Variants in TSHZ2 observed in about 807,000 individuals in gnomAD.
TSHZ2 encodes the protein teashirt homolog 2.
In TSHZ2, 21 loss-of-function variants were observed where a neutral mutation model predicts 74.4. The ratio of observed to expected loss-of-function variants is 0.28; its 90% CI spans 0.20 to 0.41. The LOEUF (loss-of-function observed/expected upper bound fraction) is 0.41, where lower values mean the gene tolerates loss of function less well. TSHZ2 is among the 10% of genes least tolerant of loss of function. The pLI is 1.00. For missense variants in TSHZ2, 1,244 were observed against 1,293.5 expected (o/e 0.96, Z 0.59); for synonymous variants, 540 against 515.3 (o/e 1.05, Z -0.65).
At chr20:53,192,862 A>G (rs1220121367) in intron 1 of TSHZ2, among the ~76,000 whole-genome samples, 1 of 152,182 alleles carries the variant, frequency 6.6e-6, no homozygotes, top group Non-Finnish European at 1.5e-5. Flanking sequence ...CCTGTTGAGA[A>G]AGATGATTTT....
At chr20:53,345,465 G>T (rs1243403588) in intron 2 of TSHZ2, among the ~76,000 whole-genome samples, 1 of 151,896 alleles carries the variant, frequency 6.6e-6, no homozygotes, top group Non-Finnish European at 1.5e-5. Context: ...AAGCTATGTT[G>T]TAAGAAATCA....
chr20:53,361,418 C>G (rs1282194974), intron 2 of TSHZ2, among the ~76,000 whole-genome samples: 1 of 152,200 alleles, frequency 6.6e-6, no homozygotes, highest in Non-Finnish European at 1.5e-5. Flanking sequence ...CGAGGCTTCT[C>G]CAACATTCCT....
chr20:53,486,615 GGTTGCCGT>G (rs1409290042), intron 2 of TSHZ2, among the ~76,000 whole-genome samples: 1 of 152,168 alleles, frequency 6.6e-6, no homozygotes, highest in African/African-American at 2.4e-5. Flanking sequence ...GGCAGGTTGA[GGTTGCCGT>G]GAGCCGTGAT....
chr20:53,127,133 T>A (rs918967452), intron 1 of TSHZ2, among the ~76,000 whole-genome samples: 5 of 152,244 alleles, frequency 3.3e-5, no homozygotes, highest in Non-Finnish European at 4.4e-5. Flanking sequence ...TATCTATAGA[T>A]GCACATGTGG....
rs1369396317 is a variant in TSHZ2, at chr20:53,494,043, G to A, written c.*6908G>A. ...CTCAAGCCTGTAACCCCTGCACTTT[G>A]GAAGGCTGAGGCAGGCGGATCACTT... On this transcript the variant is annotated 3_prime_UTR_variant, in exon 3 of 3. Transcript: ENST00000371497. 1 of 152,282 alleles carries A rather than the reference G, an allele frequency of 6.6e-6. No individual in the cohort carries two copies. Among genetic ancestry groups the A allele is most frequent in the Non-Finnish European group, 1.5e-5 (1 of 68,110 alleles). 9.4% of individuals were successfully genotyped at this position (152,282 alleles called of 1,614,324 possible). A position where few individuals can be genotyped will look rare whatever the true frequency, so the allele number is the denominator to read the frequency against.
intron 2 of TSHZ2, among the ~76,000 whole-genome samples, chr20:53,410,587 C>CATTATTATTATTATTATT (rs71194476): frequency 2.2e-4 from 31 of 141,844 alleles, no homozygotes; most frequent in African/African-American, 4.7e-4. Flanking sequence ...ATTATCGTCA[C>CATTATTATTATTATTATT]ATTATTATTA....
chr20:53,287,571 G>C (rs1991192839), intron 2 of TSHZ2, among the ~76,000 whole-genome samples: 1 of 152,202 alleles, frequency 6.6e-6, no homozygotes, highest in Non-Finnish European at 1.5e-5. Flanking sequence ...CTTATCTGTT[G>C]AGTATCCCCA....
intron 2 of TSHZ2, among the ~76,000 whole-genome samples, chr20:53,280,063 C>A (rs2145433869): frequency 6.6e-6 from 1 of 152,244 alleles, no homozygotes; most frequent in Non-Finnish European, 1.5e-5. Flanking sequence ...CATTGAGAGG[C>A]TTTAAATAGG....
intron 2 of TSHZ2, among the ~76,000 whole-genome samples, chr20:53,334,904 G>A (rs1171443289): frequency 6.6e-6 from 1 of 152,036 alleles, no homozygotes; most frequent in Non-Finnish European, 1.5e-5. Context: ...GGCTGGTCTC[G>A]AACTCCTGAC....
At chr20:53,075,346 G>T (rs1293441) in intron 1 of TSHZ2, among the ~76,000 whole-genome samples, 83,442 of 152,152 alleles carry the variant, frequency 0.55, 23,761 homozygotes, top group East Asian at 0.84. Flanking sequence ...GATTAAGAAA[G>T]ATCTTGGGTT....
At chr20:53,253,348 G>T in intron 1 of TSHZ2, 151 bp from the exon 2 acceptor site, 2 of 960,134 alleles carry the variant, frequency 2.1e-6, no homozygotes, top group Non-Finnish European at 2.8e-6. Context: ...GACACCATTT[G>T]GCTTTTCCTG....
At chr20:53,418,522 CGAGAA>C (rs897018477) in intron 2 of TSHZ2, among the ~76,000 whole-genome samples, 1 of 152,102 alleles carries the variant, frequency 6.6e-6, no homozygotes, top group Non-Finnish European at 1.5e-5. Flanking sequence ...TGGCGACAGA[CGAGAA>C]GAGAGCTTGT....
intron 1 of TSHZ2, among the ~76,000 whole-genome samples, chr20:53,240,260 A>T (rs372988107): frequency 4.6e-5 from 7 of 152,254 alleles, no homozygotes; most frequent in African/African-American, 1.7e-4. Context: ...TGAATAACCT[A>T]AATAGGATGC....
chr20:53,211,715 A>G (rs1035699490), intron 1 of TSHZ2, among the ~76,000 whole-genome samples: 2 of 152,156 alleles, frequency 1.3e-5, no homozygotes, highest in Non-Finnish European at 2.9e-5. Context: ...CCCTGTGTCT[A>G]AAACAATAAT....
chr20:53,140,569 G>A (rs1222785186), intron 1 of TSHZ2, among the ~76,000 whole-genome samples: 1 of 149,384 alleles, frequency 6.7e-6, no homozygotes, highest in South Asian at 2.1e-4. Flanking sequence ...AAAAAAGAGG[G>A]ACAGTCACGA....
rs897231555 is a variant in TSHZ2 at position 53,293,860 on chromosome 20, A to G, written c.*8+37289A>G. On this transcript the variant is annotated intron_variant, in intron 2 of 2. Coordinates refer to ENST00000371497, the MANE Select transcript of TSHZ2 (RefSeq NM_173485.6). The stretch of plus-strand genomic sequence containing the variant: ...GTGAAACCCCATCTCTACTAAAAAT[A>G]CAAAAATTAGCTGGGCGCAGTGGTG... 9.2e-5 allele frequency among the ~76,000 whole-genome samples: 14 copies of G among 152,036 alleles called. 2 individuals are homozygous for G. The highest frequency in any genetic ancestry group is 7.9e-4 in the Admixed American group (12 of 15,272).
At chr20:53,468,409 A>G (rs1985624957) in intron 2 of TSHZ2, among the ~76,000 whole-genome samples, 1 of 152,210 alleles carries the variant, frequency 6.6e-6, no homozygotes, top group African/African-American at 2.4e-5. Flanking sequence ...CTAAGCTGAC[A>G]CACAGTTAAG....
At chr20:53,140,794 A>C (rs1444248101) in intron 1 of TSHZ2, among the ~76,000 whole-genome samples, 1 of 151,964 alleles carries the variant, frequency 6.6e-6, no homozygotes, top group East Asian at 1.9e-4. Flanking sequence ...TCTGTGCATC[A>C]CTCTGGGAAG....
At chr20:53,322,202 A>C (rs534846440) in intron 2 of TSHZ2, among the ~76,000 whole-genome samples, 1 of 152,192 alleles carries the variant, frequency 6.6e-6, no homozygotes, top group Non-Finnish European at 1.5e-5. Flanking sequence ...TACAAGGCAG[A>C]GGACAGTGAT....
Sources: gnomAD v4.1 joint callset for allele counts (sites outside exome capture counted in the v4.1 genomes callset) on GRCh38, gnomAD v4.1.1 for gene constraint, MANE v1.5 for transcripts, NCBI Gene and HGNC (gene_info 2026-07-23, HGNC 2026-07-21) for gene names.